Variants in ELF4 observed in about 807,000 individuals in gnomAD.
ELF4 encodes ETS-related transcription factor Elf-4.
A neutral mutation model predicts 31.7 loss-of-function variants in ELF4; 10 were observed. The observed-to-expected ratio is 0.32, with a 90% CI of 0.19 to 0.54. The LOEUF is 0.54. ELF4 is among the 20% of genes least tolerant of loss of function. The probability of loss-of-function intolerance (pLI) is 0.95; values close to 1 mark genes in which losing one functional copy is unlikely to be tolerated. For missense variants in ELF4, 418 were observed against 522.0 expected, an observed-to-expected ratio of 0.80 and a Z score of 1.94; for synonymous variants, 208 against 226.7, an observed-to-expected ratio of 0.92 and a Z score of 0.74.
chrX:130,070,478 C>G (rs1426516627), intron 7 of ELF4, among the ~76,000 whole-genome samples: 6 of 108,578 alleles, frequency 5.5e-5, no homozygotes, highest in South Asian at 4.0e-4. Flanking sequence ...GGGAGGCTGA[C>G]ACAGGAGAAT....
At chrX:130,082,979 G>C (rs1450346695) in intron 1 of ELF4, among the ~76,000 whole-genome samples, 1 of 110,548 alleles carries the variant, frequency 9.0e-6, no homozygotes, top group African/African-American at 3.3e-5. Context: ...GGGGAGGAAA[G>C]GGAGGGGGAC....
Position 130,067,406 on chromosome X carries a change from G to C in ELF4, c.1307C>G (p.Thr436Ser), listed in dbSNP as rs1327155672. 3 of 1,212,291 alleles carry C rather than the reference G, an allele frequency of 2.5e-6. No individual in the cohort carries two copies. Among genetic ancestry groups the C allele is most frequent in the East Asian group, 3.0e-5 (1 of 33,849 alleles). The change falls in exon 9 of 9, where the codon ACT becomes AGT. Residue 436 changes from threonine (T) to serine (S), a missense_variant. Coordinates refer to ENST00000308167, the MANE Select transcript of ELF4 (RefSeq NM_001421.4). ...TVLTNGPPAS[T>S]TAPTQLVLQS... ...GAGAACGAGCTGAGTGGGAGCAGTA[G>C]TACTGGCAGGAGGCCCATTGGTCAG...
Position 130,072,428 on chromosome X carries a change from A to T in ELF4, c.341-11T>A, listed in dbSNP as rs1932796469. 1.7e-6 allele frequency: 2 copies of T among 1,211,667 alleles called. No homozygotes were observed. The highest frequency in any genetic ancestry group is 4.3e-5 in the Admixed American group (2 of 46,103). On this transcript the variant is annotated splice_polypyrimidine_tract_variant and intron_variant, in intron 4 of 8. Transcript: ENST00000308167. Reference sequence around the variant, plus strand: ...TTTCGGAGGTACTGACTGCAAGAAGAAAGACCTGAGGTGGGCGGGGCCCAG... The same window carrying T: ...TTTCGGAGGTACTGACTGCAAGAAGTAAGACCTGAGGTGGGCGGGGCCCAG...
At chrX:130,079,402 G>A (rs940679592) in intron 2 of ELF4, among the ~76,000 whole-genome samples, 1 of 111,195 alleles carries the variant, frequency 9.0e-6, no homozygotes, top group African/African-American at 3.3e-5. Flanking sequence ...AGGTGGCAGC[G>A]AACCCAGATT....
chrX:130,067,278 C>T lies in ELF4; in HGVS notation c.1435G>A (p.Ala479Thr). 3 of 1,211,934 alleles carry T rather than the reference C, an allele frequency of 2.5e-6. No homozygotes were observed. The highest frequency in any genetic ancestry group is 5.9e-5 in the East Asian group (2 of 33,833). Reference sequence around the variant, plus strand: ...GGGAGGCCACTGAGAATCAGTGGAGCCCCTGGGGCTGCCACCTGGCTGTCT... The same window carrying T: ...GGGAGGCCACTGAGAATCAGTGGAGTCCCTGGGGCTGCCACCTGGCTGTCT... ...FQDSQVAAPG[A>T]PLILSGLPQL... The change falls in exon 9 of 9, where the codon GCT (alanine) becomes ACT (threonine). Residue 479 changes from alanine (A) to threonine (T), a missense_variant. This residue lies in a region of ELF4 where 260 missense variants were observed against 269.2 expected (regional missense o/e 0.97). Coordinates refer to ENST00000308167, the MANE Select transcript of ELF4 (RefSeq NM_001421.4).
In ELF4 at chrX:130,083,832, CTGGATGGA is replaced by C. The variant is rs773641555; in HGVS notation, c.-209-2301_-209-2294del. Among the ~76,000 whole-genome samples, 157 of 103,231 alleles carry C rather than the reference CTGGATGGA, an allele frequency of 1.5e-3. No individual in the cohort carries two copies. The Middle Eastern group carries it at 0.03, about 20-fold the overall frequency. 89.6% of individuals were successfully genotyped at this position (103,231 alleles called of 115,157 possible). A position where few individuals can be genotyped will look rare whatever the true frequency, so the allele number is the denominator to read the frequency against. ...GGTGGGTGGATGGCTGGATGGATGG[CTGGATGGA>C]TGGATGGATGGATGGATGGATGGAT... is the stretch of plus-strand genomic sequence containing the variant. On this transcript the variant is annotated intron_variant, in intron 1 of 8. Transcript: ENST00000308167.
rs998678733 is a variant in ELF4 at position 130,066,541 on chromosome X, C to T, written c.*180G>A. 3 of 498,861 alleles carry T rather than the reference C, an allele frequency of 6.0e-6. No individual in the cohort carries two copies. The African/African-American group carries it at 7.1e-5, about 12-fold the overall frequency. 41.1% of individuals were successfully genotyped at this position (498,861 alleles called of 1,213,427 possible). A position where few individuals can be genotyped will look rare whatever the true frequency, so the allele number is the denominator to read the frequency against. On this transcript the variant is annotated 3_prime_UTR_variant, in exon 9 of 9. Transcript: ENST00000308167. Reference sequence around the variant, plus strand: ...GCTCTTGAAGGCCATAGTCTGATGCCAGGGATGCTTAAGCTGGGCACTGTT... The same window carrying T: ...GCTCTTGAAGGCCATAGTCTGATGCTAGGGATGCTTAAGCTGGGCACTGTT...
intron 1 of ELF4, among the ~76,000 whole-genome samples, chrX:130,082,680 G>A (rs767574239): frequency 1.8e-5 from 2 of 111,586 alleles, no homozygotes; most frequent in East Asian, 2.9e-4. Flanking sequence ...GCGTGTTGTG[G>A]GTGGTCACAC....
At chrX:130,095,543 G>A (rs1221617321) in intron 1 of ELF4, among the ~76,000 whole-genome samples, 1 of 111,562 alleles carries the variant, frequency 9.0e-6, no homozygotes, top group Non-Finnish European at 1.9e-5. Context: ...CAGAGCCCCT[G>A]TGGGGCCGCT....
At chrX:130,080,612 C>T (rs931638422) in intron 2 of ELF4, among the ~76,000 whole-genome samples, 7 of 110,231 alleles carry the variant, frequency 6.4e-5, no homozygotes, top group East Asian at 2.8e-4. Context: ...GCCAGGACAC[C>T]GTTCAATGGG....
intron 1 of ELF4, among the ~76,000 whole-genome samples, chrX:130,097,725 A>C (rs1933176347): frequency 8.9e-6 from 1 of 112,794 alleles, no homozygotes; most frequent in African/African-American, 3.2e-5. Context: ...ATAGAGACCC[A>C]TTGATCATGT....
Position 130,081,466 on chromosome X carries a change from A to G in ELF4, c.-136T>C. 1.5e-6 allele frequency: 1 copy of G among 662,690 alleles called. No homozygotes were observed. The highest frequency in any genetic ancestry group is 2.4e-6 in the Non-Finnish European group (1 of 417,674). 54.6% of individuals were successfully genotyped at this position (662,690 alleles called of 1,213,427 possible). ...TGAGCTGCAGTAAAATAGGGGGTGG[A>G]GAGAGCTGGAGTAGGTGGTGGCCTA... is the stretch of plus-strand genomic sequence containing the variant. On this transcript the variant is annotated 5_prime_UTR_variant, in exon 2 of 9. Coordinates refer to ENST00000308167, the MANE Select transcript of ELF4 (RefSeq NM_001421.4).
intron 1 of ELF4, among the ~76,000 whole-genome samples, chrX:130,104,137 A>G (rs1933331558): frequency 2.8e-5 from 3 of 108,472 alleles, no homozygotes; most frequent in African/African-American, 1.0e-4. Flanking sequence ...GGCCTCTCAA[A>G]GAAACTAACT....
chrX:130,095,105 C>T (rs988845250), intron 1 of ELF4, among the ~76,000 whole-genome samples: 1 of 111,414 alleles, frequency 9.0e-6, no homozygotes, highest in Non-Finnish European at 1.9e-5. Context: ...GTTGCTCCCC[C>T]TGCTTCGGGA....
chrX:130,069,096 T>C (rs781703322), intron 8 of ELF4, among the ~76,000 whole-genome samples: 1 of 110,346 alleles, frequency 9.1e-6, no homozygotes, highest in South Asian at 3.9e-4. Flanking sequence ...TGGTGGTGGG[T>C]ACCTGTAATC....
chrX:130,098,104 C>G (rs1198901115), intron 1 of ELF4, among the ~76,000 whole-genome samples: 2 of 112,330 alleles, frequency 1.8e-5, no homozygotes, highest in African/African-American at 6.5e-5. Context: ...AGCCTGGAGC[C>G]CCCCTGAGCC....
chrX:130,065,050 T>G lies in ELF4; in HGVS notation c.*1671A>C, dbSNP rs1932630310. 2.4e-5 allele frequency: 4 copies of G among 170,126 alleles called. No individual in the cohort carries two copies. In the East Asian group the frequency reaches 3.3e-4, roughly 14 times the overall value. 14.0% of individuals were successfully genotyped at this position (170,126 alleles called of 1,213,427 possible). Reference sequence around the variant, plus strand: ...CTCCAGGGGGCAGGGAGAAGAAGAGTAGGAGAGGGTGATAGTTGTTGGCTT... The same window carrying G: ...CTCCAGGGGGCAGGGAGAAGAAGAGGAGGAGAGGGTGATAGTTGTTGGCTT... On this transcript the variant is annotated 3_prime_UTR_variant, in exon 9 of 9. Transcript: ENST00000308167.
intron 1 of ELF4, among the ~76,000 whole-genome samples, chrX:130,106,007 C>T (rs1933372760): frequency 9.0e-6 from 1 of 110,814 alleles, no homozygotes; most frequent in Admixed American, 9.6e-5. Context: ...CTGAGCCACC[C>T]ACACTAGCTG....
intron 1 of ELF4, among the ~76,000 whole-genome samples, chrX:130,087,598 G>A (rs1932980861): frequency 8.9e-6 from 1 of 112,101 alleles, no homozygotes. Flanking sequence ...CTCCTGAGTA[G>A]CTGGGATTAT....
Sources: gnomAD v4.1 joint callset for allele counts (sites outside exome capture counted in the v4.1 genomes callset) on GRCh38, gnomAD v4.1.1 for gene constraint, gnomAD v4.1.1 regional missense constraint, MANE v1.5 for transcripts, NCBI Gene and HGNC (gene_info 2026-07-23, HGNC 2026-07-21) for gene names.